Variants in DYNC1I1 observed in about 807,000 individuals in gnomAD.
The protein encoded by DYNC1I1 is dynein cytoplasmic 1 intermediate chain 1, also known as cytoplasmic dynein 1 intermediate chain 1.
A neutral mutation model predicts 86.6 loss-of-function variants in DYNC1I1; 43 were observed. The observed-to-expected ratio is 0.50, with a 90% confidence interval of 0.39 to 0.64. DYNC1I1 has a LOEUF of 0.64. Among genes scored for constraint, DYNC1I1 ranks in the 30% least tolerant of loss-of-function variants. The pLI is 0.00. For synonymous variants in DYNC1I1, 262 were observed against 283.7 expected (o/e 0.92, Z 0.77); for missense variants, 604 against 788.8 (o/e 0.77, Z 2.81).
intron 6 of DYNC1I1, among the ~76,000 whole-genome samples, chr7:95,953,300 C>T (rs1354112923): frequency 6.6e-6 from 1 of 151,388 alleles, no homozygotes. Context: ...TTTTATGAGG[C>T]TTTTTAAAAA....
intron 6 of DYNC1I1, among the ~76,000 whole-genome samples, chr7:95,877,026 C>T (rs1363934468): frequency 2.0e-5 from 3 of 152,118 alleles, no homozygotes. Flanking sequence ...GGTATTTGAA[C>T]CATACTCCAT....
At chr7:95,962,740 C>T (rs984738720) in intron 6 of DYNC1I1, among the ~76,000 whole-genome samples, 2 of 152,104 alleles carry the variant, frequency 1.3e-5, no homozygotes, top group Non-Finnish European at 2.9e-5. Context: ...TTACATGCCA[C>T]ATAACAAAAT....
At position 96,009,882 on chromosome 7, in the gene DYNC1I1, C is replaced by T. The variant is rs539806706; in HGVS notation, c.969+13809C>T. On this transcript the variant is annotated intron_variant, in intron 10 of 16. Transcript: ENST00000447467. ...ACAACCTCCGCCTCTCGGGTTCAAG[C>T]GATTCTCCTGCCTCAGCCTCCCAAG... 1.3e-4 allele frequency among the ~76,000 whole-genome samples: 19 copies of T among 151,838 alleles called. No homozygotes were observed. In the South Asian group the frequency reaches 2.9e-3, roughly 23 times the overall value.
intron 4 of DYNC1I1, among the ~76,000 whole-genome samples, chr7:95,814,025 T>G (rs1794893850): frequency 6.6e-6 from 1 of 152,282 alleles, no homozygotes; most frequent in Non-Finnish European, 1.5e-5. Flanking sequence ...TAAATGTAGA[T>G]GGAGTCATGG....
intron 11 of DYNC1I1, among the ~76,000 whole-genome samples, chr7:96,030,292 T>C (rs1036993597): frequency 1.3e-5 from 2 of 151,356 alleles, no homozygotes; most frequent in Non-Finnish European, 2.9e-5. Context: ...ACTGGAAAAA[T>C]GGGTATACTG....
Position 95,990,265 on chromosome 7 carries a change from A to G in DYNC1I1, c.843+3110A>G, listed in dbSNP as rs78019049. ...TCACATACCACGTGACAGTTTTCAG[A>G]TGTGTGCAGAATCAGACTCATGATC... On this transcript the variant is annotated intron_variant, in intron 9 of 16. Coordinates refer to ENST00000447467, the MANE Select transcript of DYNC1I1 (RefSeq NM_001135556.2). Among the ~76,000 whole-genome samples the G allele has an allele frequency of 5.5e-3, 843 of 152,236 alleles. 3 individuals carry two copies. Among genetic ancestry groups the G allele is most frequent in the African/African-American group, 0.013 (546 of 41,554 alleles).
At chr7:96,080,291 G>T in intron 15 of DYNC1I1, 72 bp from the exon 16 acceptor site, 1 of 1,506,626 alleles carries the variant, frequency 6.6e-7, no homozygotes, top group Middle Eastern at 2.2e-4. Context: ...CCAGTTAAAC[G>T]TATTATTGTA....
At chr7:95,781,005 CA>C (rs376390109) in intron 1 of DYNC1I1, among the ~76,000 whole-genome samples, 34 of 145,552 alleles carry the variant, frequency 2.3e-4, no homozygotes, top group East Asian at 1.4e-3. Flanking sequence ...ATAACAACAA[CA>C]AAAAAAAAAA....
intron 9 of DYNC1I1, among the ~76,000 whole-genome samples, chr7:95,994,887 A>C (rs190047621): frequency 7.9e-5 from 12 of 152,248 alleles, no homozygotes; most frequent in African/African-American, 2.9e-4. Context: ...TAGAAAGAAA[A>C]TATTCATTTG....
At chr7:95,920,360 A>G (rs1791579136) in intron 6 of DYNC1I1, among the ~76,000 whole-genome samples, 1 of 152,226 alleles carries the variant, frequency 6.6e-6, no homozygotes, top group African/African-American at 2.4e-5. Flanking sequence ...CAAGGTTATC[A>G]AAAACAAGGA....
chr7:96,005,949 T>A (rs1794131745), intron 10 of DYNC1I1, among the ~76,000 whole-genome samples: 2 of 152,188 alleles, frequency 1.3e-5, no homozygotes, highest in Admixed American at 1.3e-4. Context: ...TAGCTTTTAA[T>A]GGCTAAAGGA....
At chr7:95,852,064 A>G (rs944217980) in intron 5 of DYNC1I1, among the ~76,000 whole-genome samples, 6 of 152,194 alleles carry the variant, frequency 3.9e-5, no homozygotes, top group Non-Finnish European at 8.8e-5. Context: ...AGTTTTTTGC[A>G]ACAGAGAAAA....
At chr7:95,941,507 C>T (rs986321285) in intron 6 of DYNC1I1, among the ~76,000 whole-genome samples, 9 of 152,280 alleles carry the variant, frequency 5.9e-5, no homozygotes, top group Admixed American at 2.6e-4. Context: ...TGGGCAATGG[C>T]GGGCGCCCCT....
At chr7:95,984,705 C>T in intron 7 of DYNC1I1, 110 bp from the exon 8 acceptor site, 1 of 1,031,130 alleles carries the variant, frequency 9.7e-7, no homozygotes, top group Non-Finnish European at 1.3e-6. Context: ...TGTGTCTTGC[C>T]ACTCGTTTGA....
chr7:96,060,857 T>TA (rs957962895), intron 14 of DYNC1I1, among the ~76,000 whole-genome samples: 1 of 149,986 alleles, frequency 6.7e-6, no homozygotes, highest in Non-Finnish European at 1.5e-5. Context: ...GACGCTTCAG[T>TA]AATGAAGGAA....
At chr7:96,044,743 A>G (rs1487810630) in intron 14 of DYNC1I1, among the ~76,000 whole-genome samples, 1 of 152,170 alleles carries the variant, frequency 6.6e-6, no homozygotes, top group Non-Finnish European at 1.5e-5. Flanking sequence ...TATTTTCTTA[A>G]TGCTGTAGGG....
At chr7:95,781,008 A>C (rs4092616) in intron 1 of DYNC1I1, among the ~76,000 whole-genome samples, 39,765 of 149,226 alleles carry the variant, frequency 0.27, 5,628 homozygotes, top group African/African-American at 0.4. Flanking sequence ...ACAACAACAA[A>C]AAAAAAAACC....
At chr7:95,813,093 C>CAT (rs1554390891) in intron 3 of DYNC1I1, 154 bp from the exon 4 acceptor site, 1 of 1,113,814 alleles carries the variant, frequency 9.0e-7, no homozygotes, top group Non-Finnish European at 1.2e-6. Context: ...CTTTTCTTTC[C>CAT]TTTTTTTTTT....
At position 96,061,696 on chromosome 7, in the gene DYNC1I1, T is replaced by TCC. The variant is rs879882202; in HGVS notation, c.1510-14360_1510-14359insCC. 5.5e-3 allele frequency among the ~76,000 whole-genome samples: 687 copies of TCC among 124,152 alleles called. 2 individuals carry two copies. The highest frequency in any genetic ancestry group is 0.011 in the Middle Eastern group (3 of 262). 81.4% of individuals were successfully genotyped at this position (124,152 alleles called of 152,430 possible). ...CTCTCTCTCTCCCTCCCTCCCTCCCTCTCTCTCTCTCTCTCTCACACACAC... is the reference window on the plus strand; with the variant it reads ...CTCTCTCTCTCCCTCCCTCCCTCCCTCCCTCTCTCTCTCTCTCTCACACACAC... On this transcript the variant is annotated intron_variant, in intron 14 of 16. Transcript: ENST00000447467.
Sources: allele counts gnomAD v4.1 joint callset (sites outside exome capture counted in the v4.1 genomes callset), GRCh38; gene constraint gnomAD v4.1.1; transcripts MANE v1.5; gene names NCBI Gene and HGNC (gene_info 2026-07-23, HGNC 2026-07-21).